The following PRKCH variants were observed in gnomAD, a reference collection of about 807,000 sequenced individuals.
PRKCH encodes the protein protein kinase C eta type.
PRKCH carries 28 observed loss-of-function variants against 82.5 expected under a neutral mutation model. The ratio of observed to expected loss-of-function variants is 0.34; its 90% confidence interval spans 0.25 to 0.47. The LOEUF (loss-of-function observed/expected upper bound fraction) is 0.47. Ranked by LOEUF, PRKCH falls within the 20% of genes least tolerant of loss-of-function variation. PRKCH has a pLI of 1.00. For missense variants in PRKCH, 705 were observed against 881.8 expected, an observed-to-expected ratio of 0.80 and a Z score of 2.54; for synonymous variants, 322 against 327.4, an observed-to-expected ratio of 0.98 and a Z score of 0.18.
At position 61,342,532 on chromosome 14, in the gene PRKCH, C is replaced by T. The variant is rs547893068; in HGVS notation, c.363+20068C>T. On this transcript the variant is annotated intron_variant, in intron 1 of 13. Coordinates refer to ENST00000332981, the MANE Select transcript of PRKCH (RefSeq NM_006255.5). Reference sequence around the variant, plus strand: ...AATTGTCGGCTTAAACCTGCCATTCCACTGGGCTTCATCACTATGTTCTAT... The same window carrying T: ...AATTGTCGGCTTAAACCTGCCATTCTACTGGGCTTCATCACTATGTTCTAT... Among the ~76,000 whole-genome samples the T allele has an allele frequency of 3.9e-5, 6 of 152,282 alleles. 1 individual carries two copies. The South Asian group carries it at 1.2e-3, about 32-fold the overall frequency.
At chr14:61,316,949 A>G (rs2045566171), upstream of PRKCH, among the ~76,000 whole-genome samples, 1 of 152,180 alleles carries the variant, frequency 6.6e-6, no homozygotes, top group Non-Finnish European at 1.5e-5. Flanking sequence ...GAGAGGGGGA[A>G]GGAAGGAGAC....
intron 1 of PRKCH, among the ~76,000 whole-genome samples, chr14:61,324,101 T>A (rs534516192): frequency 6.8e-4 from 103 of 152,284 alleles, no homozygotes; most frequent in Non-Finnish European, 1.1e-3. Flanking sequence ...GACCCCATCA[T>A]CCGTACTTTT....
intron 1 of PRKCH, among the ~76,000 whole-genome samples, chr14:61,274,974 T>C (rs766776672): frequency 6.6e-6 from 1 of 152,220 alleles, no homozygotes; most frequent in African/African-American, 2.4e-5. Flanking sequence ...AAATAACAGA[T>C]AAGTCTTCAT....
intron 1 of PRKCH, among the ~76,000 whole-genome samples, chr14:61,287,436 C>G (rs562097231): frequency 6.6e-6 from 1 of 151,724 alleles, no homozygotes; most frequent in South Asian, 2.1e-4. Flanking sequence ...TAGGGCCACG[C>G]CCGGTAGCTC....
intron 12 of PRKCH, among the ~76,000 whole-genome samples, chr14:61,535,725 A>G (rs2043099316): frequency 6.6e-6 from 1 of 152,260 alleles, no homozygotes; most frequent in Admixed American, 6.5e-5. Flanking sequence ...CTTCATGTGT[A>G]AAAGATCACC....
chr14:61,447,606 A>G lies in PRKCH; in HGVS notation c.614-1558A>G, dbSNP rs147880874. On this transcript the variant is annotated intron_variant, in intron 4 of 13. Transcript: ENST00000332981. ...ATAAACGGTATCTTCTTAGACCACA[A>G]TGGAATTAAACTAGAAATCAATTAC... Among the ~76,000 whole-genome samples the G allele has an allele frequency of 8.7e-3, 1,319 of 152,316 alleles. 54 individuals are homozygous for G. Among genetic ancestry groups the G allele is most frequent in the Admixed American group, 0.071 (1,085 of 15,296 alleles).
In PRKCH at chr14:61,321,972, C is replaced by G. The variant is rs1566818983; in HGVS notation, c.-130C>G. ...AGGCAGAATGGCCAGTCGAGGGGCG[C>G]TTAGGCGCTGCCTTTCCCCAGGGCT... On this transcript the variant is annotated 5_prime_UTR_variant, in exon 1 of 14. Transcript: ENST00000332981. This position sits in a 1 kb window ranked among gnomAD's most constrained non-coding sequence, Gnocchi z 4.1. The G allele has an allele frequency of 3.0e-6, 3 of 1,014,498 alleles. No individual in the cohort carries two copies. Among genetic ancestry groups the G allele is most frequent in the Non-Finnish European group, 4.2e-6 (3 of 715,536 alleles). 62.8% of individuals were successfully genotyped at this position (1,014,498 alleles called of 1,614,324 possible). A position where few individuals can be genotyped will look rare whatever the true frequency, so the allele number is the denominator to read the frequency against.
chr14:61,487,820 C>G (rs1406063417), intron 10 of PRKCH, among the ~76,000 whole-genome samples: 2 of 80,304 alleles, frequency 2.5e-5, no homozygotes, highest in African/African-American at 9.2e-5. Flanking sequence ...TAAGGAGACC[C>G]CTATCTCTAC....
chr14:61,459,677 A>G lies in PRKCH; in HGVS notation c.1278+1998A>G, dbSNP rs113659128. Among the ~76,000 whole-genome samples, 1,436 of 152,342 alleles carry G rather than the reference A, an allele frequency of 9.4e-3. 19 individuals are homozygous for G. The highest frequency in any genetic ancestry group is 0.033 in the African/African-American group (1,363 of 41,574). Reference sequence around the variant, plus strand: ...TAGGTAATATAAGTATCCTCCAAATATTCATATCCTTTCTCCGAAAGAAAC... The same window carrying G: ...TAGGTAATATAAGTATCCTCCAAATGTTCATATCCTTTCTCCGAAAGAAAC... On this transcript the variant is annotated intron_variant, in intron 9 of 13. Coordinates refer to ENST00000332981, the MANE Select transcript of PRKCH (RefSeq NM_006255.5).
intron 1 of PRKCH, among the ~76,000 whole-genome samples, chr14:61,198,117 A>G (rs1594847705): frequency 6.6e-6 from 1 of 152,106 alleles, no homozygotes; most frequent in African/African-American, 2.4e-5. Flanking sequence ...TCTATTGTCC[A>G]TTTTAAGCTT....
At chr14:61,225,180 T>C (rs932797983) in intron 1 of PRKCH, among the ~76,000 whole-genome samples, 11 of 152,206 alleles carry the variant, frequency 7.2e-5, no homozygotes, top group African/African-American at 2.7e-4. Flanking sequence ...TGAAAAAGAG[T>C]GTGTGGCTCA....
intron 11 of PRKCH, among the ~76,000 whole-genome samples, chr14:61,529,916 AT>A (rs2043023959): frequency 8.0e-6 from 1 of 124,910 alleles, no homozygotes; most frequent in Non-Finnish European, 1.8e-5. Context: ...AAAAAAAAAT[AT>A]ATATATATAT....
intron 1 of PRKCH, among the ~76,000 whole-genome samples, chr14:61,259,487 G>C (rs1316789414): frequency 2.0e-5 from 3 of 152,198 alleles, no homozygotes; most frequent in Non-Finnish European, 1.5e-5. Context: ...CTGCACGTAA[G>C]AATCACCTGG....
At chr14:61,243,947 T>G (rs2044860588) in intron 1 of PRKCH, among the ~76,000 whole-genome samples, 1 of 39,694 alleles carries the variant, frequency 2.5e-5, no homozygotes, top group East Asian at 5.9e-4. Context: ...CTCATCTTAA[T>G]TAAAAAAAAA....
At chr14:61,266,881 G>C (rs978987356) in intron 1 of PRKCH, among the ~76,000 whole-genome samples, 5 of 152,100 alleles carry the variant, frequency 3.3e-5, no homozygotes, top group African/African-American at 7.2e-5. Flanking sequence ...GATGGGGATG[G>C]GTGATGGGAA....
chr14:61,426,250 C>G (rs189636725), intron 2 of PRKCH, among the ~76,000 whole-genome samples: 1 of 152,186 alleles, frequency 6.6e-6, no homozygotes, highest in African/African-American at 2.4e-5. Context: ...ATTTACATGT[C>G]GCTGCTTGTT....
chr14:61,372,722 G>C (rs750166375), intron 1 of PRKCH, among the ~76,000 whole-genome samples: 2 of 152,002 alleles, frequency 1.3e-5, no homozygotes, highest in Non-Finnish European at 2.9e-5. Context: ...CATGCATTTT[G>C]ATACAGTTGA....
intron 10 of PRKCH, among the ~76,000 whole-genome samples, chr14:61,492,983 T>C (rs1398791624): frequency 6.6e-6 from 1 of 152,168 alleles, no homozygotes; most frequent in Non-Finnish European, 1.5e-5. Flanking sequence ...GTGTGGTGAA[T>C]GTGTAGTTAA....
At chr14:61,321,434 C>T (rs1004491583), upstream of PRKCH, among the ~76,000 whole-genome samples, 1 of 152,210 alleles carries the variant, frequency 6.6e-6, no homozygotes, top group Non-Finnish European at 1.5e-5. This position sits in a 1 kb window ranked among gnomAD's most constrained non-coding sequence, Gnocchi z 4.1. Flanking sequence ...AGACCCAGCG[C>T]TACAAGGAGG....
Sources: gnomAD v4.1 joint callset for allele counts (sites outside exome capture counted in the v4.1 genomes callset) on GRCh38, gnomAD v4.1.1 for gene constraint, Gnocchi (gnomAD v3.1) non-coding constraint, MANE v1.5 for transcripts, NCBI Gene and HGNC (gene_info 2026-07-23, HGNC 2026-07-21) for gene names.